The following PDE4D variants were observed in gnomAD, a reference collection of about 807,000 sequenced individuals.
PDE4D encodes the protein phosphodiesterase 4D.
Under a neutral mutation model 87.4 loss-of-function variants are expected in PDE4D, and 24 were observed. That is an observed-to-expected ratio of 0.27 (90% CI 0.20 to 0.39). The LOEUF is 0.39. PDE4D is among the 10% of genes least tolerant of loss of function. The pLI, the probability that PDE4D is intolerant of heterozygous loss-of-function variation, is 1.00. For synonymous variants in PDE4D, 384 were observed against 383.2 expected (o/e 1.00, Z -0.02); for missense variants, 714 against 1,041.0 (o/e 0.69, Z 4.32).
intron 1 of PDE4D, among the ~76,000 whole-genome samples, chr5:59,375,232 C>T (rs1784520670): frequency 6.6e-6 from 1 of 152,112 alleles, no homozygotes; most frequent in Admixed American, 6.5e-5. Context: ...TTCAAAAGAT[C>T]AGTGAATCCA....
At chr5:60,346,592 A>T (rs1758763346) in intron 1 of PDE4D, among the ~76,000 whole-genome samples, 1 of 152,114 alleles carries the variant, frequency 6.6e-6, no homozygotes, top group African/African-American at 2.4e-5. Flanking sequence ...GCCATGACTC[A>T]TGGTGAGATA....
At chr5:59,605,379 C>A (rs1828055193) in intron 1 of PDE4D, among the ~76,000 whole-genome samples, 1 of 151,938 alleles carries the variant, frequency 6.6e-6, no homozygotes, top group South Asian at 2.1e-4. Context: ...TTTGTTATTT[C>A]TAGAGACTTA....
In PDE4D at chr5:59,560,348, T is replaced by C. The variant is rs555152665; in HGVS notation, c.455+332820A>G. ...AGCATGTAAAAAGGTGAGAAAAACA[T>C]ACTGTCCTGAATATGCTACCAATCA... On this transcript the variant is annotated intron_variant, in intron 1 of 14. Coordinates refer to ENST00000340635, the MANE Select transcript of PDE4D (RefSeq NM_001104631.2). 2.6e-5 allele frequency among the ~76,000 whole-genome samples: 4 copies of C among 152,248 alleles called. No homozygotes were observed. The South Asian group carries it at 8.3e-4, about 32-fold the overall frequency.
intron 1 of PDE4D, among the ~76,000 whole-genome samples, chr5:59,545,269 A>G (rs1583059386): frequency 6.6e-6 from 1 of 152,294 alleles, no homozygotes; most frequent in East Asian, 1.9e-4. Context: ...AAATGTGAGA[A>G]GTAGATGCAG....
chr5:59,390,907 T>C (rs1221706837), intron 1 of PDE4D, among the ~76,000 whole-genome samples: 1 of 152,164 alleles, frequency 6.6e-6, no homozygotes, highest in African/African-American at 2.4e-5. Context: ...GAGAACATAA[T>C]ATAACTCATA....
At chr5:59,108,629 C>G (rs765150130) in intron 5 of PDE4D, among the ~76,000 whole-genome samples, 1 of 152,136 alleles carries the variant, frequency 6.6e-6, no homozygotes, top group Non-Finnish European at 1.5e-5. Context: ...TGCGGTGGCT[C>G]ACGCCCGTAG....
At chr5:59,377,417 CAA>C (rs375685104) in intron 1 of PDE4D, among the ~76,000 whole-genome samples, 24 of 97,474 alleles carry the variant, frequency 2.5e-4, no homozygotes, top group Admixed American at 3.3e-4. Context: ...ACACCCATCT[CAA>C]AAAAAAAAAA....
chr5:59,142,061 C>T (rs1777974555), intron 5 of PDE4D, among the ~76,000 whole-genome samples: 1 of 152,074 alleles, frequency 6.6e-6, no homozygotes, highest in African/African-American at 2.4e-5. Flanking sequence ...AGCCTGAAAA[C>T]TCAGGTAAAT....
chr5:59,310,925 T>C (rs969637916), intron 1 of PDE4D, among the ~76,000 whole-genome samples: 2 of 152,138 alleles, frequency 1.3e-5, no homozygotes, highest in African/African-American at 2.4e-5. Context: ...AGCTGCTGGC[T>C]AGGGATAAGA....
At chr5:59,429,752 C>T (rs1296936613) in intron 1 of PDE4D, among the ~76,000 whole-genome samples, 3 of 152,054 alleles carry the variant, frequency 2.0e-5, no homozygotes, top group Non-Finnish European at 4.4e-5. Context: ...TATTCTGATA[C>T]TACATAAAAA....
chr5:60,317,235 A>G (rs1190939777), intron 1 of PDE4D, among the ~76,000 whole-genome samples: 2 of 152,140 alleles, frequency 1.3e-5, no homozygotes, highest in Non-Finnish European at 1.5e-5. Flanking sequence ...TTTGTCCAGG[A>G]CTTGATCCAT....
chr5:59,133,189 C>T (rs1301723762), intron 5 of PDE4D, among the ~76,000 whole-genome samples: 1 of 151,990 alleles, frequency 6.6e-6, no homozygotes, highest in East Asian at 1.9e-4. Context: ...TTTTCATAAA[C>T]ATGAAACAGA....
chr5:59,678,173 G>A (rs919820531), intron 1 of PDE4D, among the ~76,000 whole-genome samples: 4 of 152,106 alleles, frequency 2.6e-5, no homozygotes, highest in African/African-American at 7.2e-5. Context: ...TTCAAGAAAT[G>A]AGCAATGTTA....
intron 6 of PDE4D, chr5:58,999,553 G>GTGTA (rs1750017512): frequency 6.6e-6 from 7 of 1,064,394 alleles, no homozygotes; most frequent in Non-Finnish European, 6.3e-6. Context: ...TTGATTATAT[G>GTGTA]TATATATATA....
At chr5:60,520,310 T>C (rs1013581090) in intron 1 of PDE4D, among the ~76,000 whole-genome samples, 2 of 152,190 alleles carry the variant, frequency 1.3e-5, no homozygotes, top group African/African-American at 4.8e-5. Flanking sequence ...TGCTCTCCCA[T>C]GTCAGACAGT....
chr5:60,066,714 C>T (rs1772144701), intron 2 of PDE4D, among the ~76,000 whole-genome samples: 1 of 152,058 alleles, frequency 6.6e-6, no homozygotes, highest in African/African-American at 2.4e-5. Context: ...CATTCGTAAG[C>T]ATTACCCTGG....
chr5:60,261,648 A>T (rs1369229285), intron 1 of PDE4D, among the ~76,000 whole-genome samples: 3 of 152,138 alleles, frequency 2.0e-5, no homozygotes, highest in Admixed American at 6.6e-5. Context: ...TGAGTTTAGC[A>T]CTTACAACCT....
chr5:59,181,121 TTTTCC>T (rs1741442929), intron 4 of PDE4D, among the ~76,000 whole-genome samples: 1 of 152,178 alleles, frequency 6.6e-6, no homozygotes, highest in South Asian at 2.1e-4. Context: ...TATTTGAACT[TTTTCC>T]TTTCTTTTCT....
chr5:59,680,373 C>T (rs1017024048), intron 1 of PDE4D, among the ~76,000 whole-genome samples: 2 of 152,052 alleles, frequency 1.3e-5, no homozygotes, highest in African/African-American at 4.8e-5. Flanking sequence ...AACATGGATA[C>T]CTACACCTCA....
Sources: allele counts gnomAD v4.1 joint callset (sites outside exome capture counted in the v4.1 genomes callset), GRCh38; gene constraint gnomAD v4.1.1; transcripts MANE v1.5; gene names NCBI Gene and HGNC (gene_info 2026-07-23, HGNC 2026-07-21).